The following DNAH11 variants were observed in gnomAD, a reference collection of about 807,000 sequenced individuals.
DNAH11 encodes axonemal beta dynein heavy chain 11.
Under a neutral mutation model 526.0 loss-of-function variants are expected in DNAH11, and 442 were observed. The observed-to-expected ratio is 0.84, with a 90% CI of 0.78 to 0.91. The LOEUF (loss-of-function observed/expected upper bound fraction) is 0.91, where lower values mean the gene tolerates loss of function less well. DNAH11 is among the 40% of genes least tolerant of loss of function. The probability of loss-of-function intolerance (pLI) is 0.00; values close to 1 mark genes in which losing one functional copy is unlikely to be tolerated. For synonymous variants in DNAH11, 2,461 were observed against 1,935.9 expected (o/e 1.27, Z -7.12); for missense variants, 6,989 against 5,448.7 (o/e 1.28, Z -8.90).
intron 45 of DNAH11, among the ~76,000 whole-genome samples, chr7:21,726,751 C>T (rs575004789): frequency 6.7e-4 from 99 of 147,160 alleles, no homozygotes; most frequent in African/African-American, 2.3e-3. Context: ...GTCCCAGCTA[C>T]TCGGGAGTCT....
chr7:21,648,453 C>A (rs899933423), intron 28 of DNAH11, among the ~76,000 whole-genome samples: 5 of 152,170 alleles, frequency 3.3e-5, no homozygotes, highest in Non-Finnish European at 7.3e-5. Context: ...CTTTGAAAAC[C>A]TGTAACCATC....
chr7:21,853,397 ACT>A (rs1782716394), intron 67 of DNAH11, among the ~76,000 whole-genome samples: 1 of 152,172 alleles, frequency 6.6e-6, no homozygotes, highest in Admixed American at 6.5e-5. Flanking sequence ...ATCCCAAATT[ACT>A]CTGTCTTTTC....
rs1220013457 is a variant in DNAH11, at chr7:21,787,468, T to A, written c.9809T>A (p.Val3270Glu). 2.5e-6 allele frequency: 4 copies of A among 1,613,776 alleles called. No individual in the cohort carries two copies. In the Admixed American group the frequency reaches 5.0e-5, roughly 20 times the overall value. Residue 3270 changes from valine to glutamate, a missense_variant, in exon 60 of 82, where the codon GTG becomes GAG. Physicochemically the swap from Val to Glu is moderately radical, Grantham distance 121. Coordinates refer to ENST00000409508, the MANE Select transcript of DNAH11 (RefSeq NM_001277115.2). ...KEHIPENCLK[V>E]VNEHYLKDPE... is the part of the protein sequence containing the mutation. ...CACATTCCAGAGAACTGTCTAAAAGTGGTGAATGAACACTATTTGAAAGAC... is the reference window on the plus strand; with the variant it reads ...CACATTCCAGAGAACTGTCTAAAAGAGGTGAATGAACACTATTTGAAAGAC...
chr7:21,817,035 G>T (rs958277582), intron 64 of DNAH11, among the ~76,000 whole-genome samples: 3 of 152,102 alleles, frequency 2.0e-5, no homozygotes, highest in African/African-American at 4.8e-5. Context: ...CACAAGAATT[G>T]TCAAGGGTGC....
intron 29 of DNAH11, among the ~76,000 whole-genome samples, chr7:21,657,365 G>T (rs896069950): frequency 6.6e-6 from 1 of 152,124 alleles, no homozygotes; most frequent in East Asian, 1.9e-4. Context: ...AATAATGGAG[G>T]TAGCAATTGT....
chr7:21,720,608 T>C (rs1435756999), intron 43 of DNAH11, 117 bp from the exon 44 acceptor site: 11 of 1,193,648 alleles, frequency 9.2e-6, no homozygotes, highest in Non-Finnish European at 1.2e-5. Context: ...ATGTAGCAAA[T>C]CACAGCTGGG....
At chr7:21,641,629 A>C (rs1350224969) in intron 28 of DNAH11, among the ~76,000 whole-genome samples, 1 of 152,126 alleles carries the variant, frequency 6.6e-6, no homozygotes, top group Non-Finnish European at 1.5e-5. Context: ...GCTAAACTAC[A>C]TGTTGACTCA....
intron 65 of DNAH11, among the ~76,000 whole-genome samples, chr7:21,839,523 C>T (rs1286397983): frequency 6.6e-6 from 1 of 150,504 alleles, no homozygotes; most frequent in South Asian, 2.1e-4. Context: ...TTCAGGGATC[C>T]GAGATCACAC....
At chr7:21,855,831 T>A (rs1258526593) in intron 68 of DNAH11, among the ~76,000 whole-genome samples, 1 of 152,186 alleles carries the variant, frequency 6.6e-6, no homozygotes, top group Non-Finnish European at 1.5e-5. Context: ...CATATAGATA[T>A]ATATGTACAC....
intron 51 of DNAH11, among the ~76,000 whole-genome samples, chr7:21,747,902 T>G (rs1378099334): frequency 6.6e-6 from 1 of 152,234 alleles, no homozygotes; most frequent in Non-Finnish European, 1.5e-5. Flanking sequence ...GTCCTCATAC[T>G]TGGGTGCTGA....
chr7:21,884,210 A>T, intron 75 of DNAH11, 81 bp from the exon 76 acceptor site: 3 of 1,341,426 alleles, frequency 2.2e-6, no homozygotes, highest in Non-Finnish European at 3.0e-6. Context: ...GCATTGTGTT[A>T]GAGGGGCACG....
At chr7:21,882,550 C>A (rs1014993432) in intron 75 of DNAH11, among the ~76,000 whole-genome samples, 1 of 152,206 alleles carries the variant, frequency 6.6e-6, no homozygotes, top group African/African-American at 2.4e-5. Flanking sequence ...AATCCCAGCA[C>A]TTTGGGAGGC....
chr7:21,825,470 A>G (rs935944426), intron 65 of DNAH11, among the ~76,000 whole-genome samples: 3 of 152,222 alleles, frequency 2.0e-5, no homozygotes, highest in East Asian at 1.9e-4. Flanking sequence ...AGAAATGTAC[A>G]TGCTCACTAG....
chr7:21,745,696 A>G lies in DNAH11; in HGVS notation c.8510+633A>G, dbSNP rs1057263676. Among the ~76,000 whole-genome samples, 6 of 152,260 alleles carry G rather than the reference A, an allele frequency of 3.9e-5. No homozygotes were observed. In the East Asian group the frequency reaches 7.7e-4, roughly 20 times the overall value. On this transcript the variant is annotated intron_variant, in intron 51 of 81. Coordinates refer to ENST00000409508, the MANE Select transcript of DNAH11 (RefSeq NM_001277115.2). ...GACGAAAATGGACATTTATAAGGAC[A>G]TGAACAACTAAACAAGAGAATAAGC...
chr7:21,651,449 G>A (rs1243544099), intron 28 of DNAH11, among the ~76,000 whole-genome samples: 3 of 151,960 alleles, frequency 2.0e-5, no homozygotes, highest in Non-Finnish European at 4.4e-5. Flanking sequence ...TGCAACCTCC[G>A]CCCCTCCAGG....
intron 9 of DNAH11, among the ~76,000 whole-genome samples, chr7:21,584,871 TA>T (rs1484790314): frequency 6.6e-6 from 1 of 150,774 alleles, no homozygotes; most frequent in African/African-American, 2.5e-5. Flanking sequence ...ATTCAAGTAT[TA>T]TTTTTTTACA....
intron 58 of DNAH11, among the ~76,000 whole-genome samples, chr7:21,785,261 C>G (rs1263691823): frequency 6.6e-6 from 1 of 152,016 alleles, no homozygotes; most frequent in African/African-American, 2.4e-5. Context: ...ATCCTGAATT[C>G]GTTTTGTAAG....
At chr7:21,716,645 G>A (rs1784675792) in intron 42 of DNAH11, among the ~76,000 whole-genome samples, 1 of 152,142 alleles carries the variant, frequency 6.6e-6, no homozygotes, top group Non-Finnish European at 1.5e-5. Flanking sequence ...GGTAAAATCA[G>A]TAGTTGAGAT....
chr7:21,606,615 CTTTTTTTTT>C, intron 19 of DNAH11, 23 bp from the exon 20 acceptor site: 1 of 1,195,026 alleles, frequency 8.4e-7, no homozygotes. Flanking sequence ...TTGAAATTCA[CTTTTTTTTT>C]TTTTTTTTTT....
Sources: allele counts gnomAD v4.1 joint callset (sites outside exome capture counted in the v4.1 genomes callset), GRCh38; gene constraint gnomAD v4.1.1; transcripts MANE v1.5; gene names NCBI Gene and HGNC (gene_info 2026-07-23, HGNC 2026-07-21).